Variants in CCDC69 observed in about 807,000 individuals in gnomAD.
The protein encoded by CCDC69 is coiled-coil domain containing 69.
A neutral mutation model predicts 40.3 loss-of-function variants in CCDC69; 38 were observed. That is an observed-to-expected ratio of 0.94 (90% CI 0.73 to 1.24). The LOEUF is 1.24. CCDC69 is among the 50% of genes most tolerant of loss of function. The probability of loss-of-function intolerance (pLI) is 0.00; values close to 1 mark genes in which losing one functional copy is unlikely to be tolerated. For synonymous variants in CCDC69, 141 were observed against 138.9 expected (o/e 1.02, Z -0.11); for missense variants, 389 against 357.9 (o/e 1.09, Z -0.70).
At chr5:151,202,468 C>T (rs1275401603) in intron 2 of CCDC69, among the ~76,000 whole-genome samples, 1 of 152,244 alleles carries the variant, frequency 6.6e-6, no homozygotes, top group African/African-American at 2.4e-5. Context: ...CAAAGAAGAA[C>T]TGGCAATGTA....
chr5:151,203,868 T>G (rs11953357), intron 2 of CCDC69, among the ~76,000 whole-genome samples: 1 of 140,446 alleles, frequency 7.1e-6, no homozygotes, highest in African/African-American at 2.6e-5. Flanking sequence ...ATATATAAAA[T>G]ATATATCGTA....
At position 151,212,718 on chromosome 5, in the gene CCDC69, GA is replaced by G. The variant is rs1242302050; in HGVS notation, c.49-7244del. 3 of 453,350 alleles carry G rather than the reference GA, an allele frequency of 6.6e-6. No homozygotes were observed. In the East Asian group the frequency reaches 2.1e-4, roughly 32 times the overall value. 28.1% of individuals were successfully genotyped at this position (453,350 alleles called of 1,614,324 possible). A position where few individuals can be genotyped will look rare whatever the true frequency, so the allele number is the denominator to read the frequency against. ...AACAGAACAAGAGTTGGTCAGCCTT[GA>G]GAACAGGCAGGAAGACCTGATATTG... On this transcript the variant is annotated intron_variant, in intron 1 of 8. Coordinates refer to ENST00000355417, the MANE Select transcript of CCDC69 (RefSeq NM_015621.3).
chr5:151,194,136 A>G (rs984239703), intron 4 of CCDC69, among the ~76,000 whole-genome samples: 6 of 152,268 alleles, frequency 3.9e-5, no homozygotes, highest in Non-Finnish European at 7.3e-5. Context: ...TCACTCTGGA[A>G]GACAGTTTAG....
chr5:151,187,461 T>C lies in CCDC69; in HGVS notation c.320-2A>G, dbSNP rs1752540670. ...CCTGTTCATATGAGGCCCGGAGGAC[T>C]GTAGGGAAAGGAGAACTCCATAAGC... On this transcript the variant is annotated splice_acceptor_variant, in intron 4 of 8. Coordinates refer to ENST00000355417, the MANE Select transcript of CCDC69 (RefSeq NM_015621.3). LOFTEE classifies it high-confidence loss of function. 1 of 1,612,544 alleles carries C rather than the reference T, an allele frequency of 6.2e-7. No homozygotes were observed. The highest frequency in any genetic ancestry group is 8.5e-7 in the Non-Finnish European group (1 of 1,179,516).
chr5:151,212,022 G>GC (rs1561604474), intron 1 of CCDC69: 3 of 151,244 alleles, frequency 2.0e-5, no homozygotes, highest in African/African-American at 7.3e-5. Flanking sequence ...GGTGGTGGGG[G>GC]GGGGAGTTGG....
intron 4 of CCDC69, among the ~76,000 whole-genome samples, chr5:151,188,150 C>T (rs372768890): frequency 5.9e-5 from 9 of 152,284 alleles, no homozygotes; most frequent in African/African-American, 2.2e-4. Flanking sequence ...ATGTATCATC[C>T]CATCTCCTTC....
chr5:151,197,585 G>T (rs760877476), intron 4 of CCDC69, among the ~76,000 whole-genome samples: 1 of 152,022 alleles, frequency 6.6e-6, no homozygotes, highest in Non-Finnish European at 1.5e-5. Flanking sequence ...GTGCCTGCTC[G>T]GTGGGTGGGA....
At chr5:151,212,205 C>T (rs1264855813) in intron 1 of CCDC69, 1 of 152,482 alleles carries the variant, frequency 6.6e-6, no homozygotes, top group Admixed American at 6.5e-5. Context: ...AGGGAGAACC[C>T]AGGCCTGGGG....
intron 3 of CCDC69, among the ~76,000 whole-genome samples, chr5:151,200,923 A>C (rs1410756178): frequency 6.6e-6 from 1 of 152,210 alleles, no homozygotes; most frequent in Non-Finnish European, 1.5e-5. Context: ...TATTTGCAGT[A>C]AGTATTTCTG....
intron 1 of CCDC69, among the ~76,000 whole-genome samples, chr5:151,208,001 G>T (rs1752876738): frequency 6.6e-6 from 1 of 152,062 alleles, no homozygotes; most frequent in East Asian, 1.9e-4. Flanking sequence ...CTATAATCTT[G>T]GCACTCTGGG....
intron 2 of CCDC69, among the ~76,000 whole-genome samples, chr5:151,203,821 T>C (rs1371335587): frequency 1.6e-5 from 2 of 124,312 alleles, no homozygotes; most frequent in Non-Finnish European, 3.1e-5. Context: ...ATATCGTATA[T>C]ATAGTATATA....
At chr5:151,184,481 A>C in intron 7 of CCDC69, 40 bp from the exon 8 acceptor site, 5 of 1,334,970 alleles carry the variant, frequency 3.7e-6, no homozygotes, top group Non-Finnish European at 5.4e-6. Flanking sequence ...TGCCAAACTC[A>C]CGCTGCACGA....
At chr5:151,193,690 T>C (rs1752656420) in intron 4 of CCDC69, among the ~76,000 whole-genome samples, 1 of 152,168 alleles carries the variant, frequency 6.6e-6, no homozygotes, top group Non-Finnish European at 1.5e-5. Context: ...ACCTGGGGTT[T>C]AGCAAAGAGT....
chr5:151,182,975 C>T lies in CCDC69; in HGVS notation c.*462G>A, dbSNP rs976760321. ...AAGAGTCCTTTGACCAGTCCCCCCACCATTTTAATGCAGGGGTAAACTGAG... is the reference window on the plus strand; with the variant it reads ...AAGAGTCCTTTGACCAGTCCCCCCATCATTTTAATGCAGGGGTAAACTGAG... On this transcript the variant is annotated 3_prime_UTR_variant, in exon 9 of 9. Coordinates refer to ENST00000355417, the MANE Select transcript of CCDC69 (RefSeq NM_015621.3). The T allele has an allele frequency of 4.4e-6, 2 of 452,350 alleles. No homozygotes were observed. The highest frequency in any genetic ancestry group is 8.9e-6 in the Non-Finnish European group (2 of 224,076). The allele number at this position is 452,350 out of a possible 1,614,324, so 28.0% of individuals were successfully genotyped here.
intron 1 of CCDC69, chr5:151,215,583 T>C (rs1193361368): frequency 2.6e-6 from 1 of 378,580 alleles, no homozygotes; most frequent in Non-Finnish European, 5.6e-6. Flanking sequence ...GAAAGGAGGG[T>C]CCCTTGCTCA....
chr5:151,213,347 C>T (rs887907959), intron 1 of CCDC69, among the ~76,000 whole-genome samples: 5 of 151,992 alleles, frequency 3.3e-5, no homozygotes, highest in Admixed American at 6.6e-5. Context: ...CCTGGGTTCA[C>T]GCCATTCTCC....
chr5:151,215,237 C>T (rs1422897917), intron 1 of CCDC69, among the ~76,000 whole-genome samples: 4 of 152,094 alleles, frequency 2.6e-5, no homozygotes, highest in Admixed American at 2.0e-4. Flanking sequence ...TGAGGCTGAG[C>T]GCCTGGATAC....
chr5:151,185,587 C>T, intron 6 of CCDC69, 46 bp from the exon 7 acceptor site: 1 of 1,598,098 alleles, frequency 6.3e-7, no homozygotes, highest in Non-Finnish European at 8.5e-7. Context: ...GGCTACCTCC[C>T]TCCTCCCCAT....
intron 4 of CCDC69, among the ~76,000 whole-genome samples, chr5:151,195,617 G>C (rs1752688348): frequency 6.7e-6 from 1 of 149,912 alleles, no homozygotes; most frequent in Non-Finnish European, 1.5e-5. Flanking sequence ...TACTCGGGAG[G>C]CTGAGGCAGA....
Sources: allele counts gnomAD v4.1 joint callset (sites outside exome capture counted in the v4.1 genomes callset), GRCh38; gene constraint gnomAD v4.1.1; transcripts MANE v1.5; gene names NCBI Gene and HGNC (gene_info 2026-07-23, HGNC 2026-07-21).